The following FAM177B variants were observed in gnomAD, a reference collection of about 807,000 sequenced individuals.
FAM177B encodes the protein protein FAM177B.
FAM177B carries 16 observed loss-of-function variants against 16.1 expected under a neutral mutation model. The ratio of observed to expected loss-of-function variants is 0.99; its 90% confidence interval spans 0.67 to 1.51. The LOEUF (loss-of-function observed/expected upper bound fraction) is 1.51. Ranked by LOEUF, FAM177B falls within the 40% of genes most tolerant of loss-of-function variation. The pLI, the probability that FAM177B is intolerant of heterozygous loss-of-function variation, is 0.00. For missense variants in FAM177B, 178 were observed against 183.7 expected (o/e 0.97, Z 0.18); for synonymous variants, 56 against 59.9 (o/e 0.93, Z 0.30).
Position 222,750,614 on chromosome 1 carries a change from G to A in FAM177B, c.*556G>A, listed in dbSNP as rs758934228. The A allele has an allele frequency of 1.8e-5, 15 of 819,532 alleles. No homozygotes were observed. The highest frequency in any genetic ancestry group is 2.2e-5 in the Non-Finnish European group (15 of 679,034). The allele number at this position is 819,532 out of a possible 1,614,324, so 50.8% of individuals were successfully genotyped here. A position where few individuals can be genotyped will look rare whatever the true frequency, so the allele number is the denominator to read the frequency against. On this transcript the variant is annotated 3_prime_UTR_variant, in exon 6 of 6. Coordinates refer to ENST00000445590, the MANE Select transcript of FAM177B (RefSeq NM_001394345.1). Reference sequence around the variant, plus strand: ...TCATTATCAAGATCTTTAAGAATTAGGTACATCCCTCCAAATTAAAACAAT... The same window carrying A: ...TCATTATCAAGATCTTTAAGAATTAAGTACATCCCTCCAAATTAAAACAAT...
intron 2 of FAM177B, among the ~76,000 whole-genome samples, chr1:222,738,452 C>T (rs1039760734): frequency 6.6e-6 from 1 of 151,222 alleles, no homozygotes; most frequent in African/African-American, 2.4e-5. Context: ...GGCGCAGTGG[C>T]TCATGCCTGT....
rs1572010366 is a variant in FAM177B at position 222,746,480 on chromosome 1, C to T, written c.-15-51C>T. ...CTATCCATTGAAAATAACTAGATAA[C>T]TCTCAGCTCTGGGTAACTTGCCCTA... On this transcript the variant is annotated intron_variant, in intron 2 of 5. Transcript: ENST00000445590. The T allele has an allele frequency of 6.8e-6, 7 of 1,028,232 alleles. No individual in the cohort carries two copies. In the East Asian group the frequency reaches 1.7e-4, roughly 25 times the overall value. The allele number at this position is 1,028,232 out of a possible 1,614,324, so 63.7% of individuals were successfully genotyped here.
rs536295177 is a variant in FAM177B, at chr1:222,739,288, G to GA, written c.-16+1275dup. On this transcript the variant is annotated intron_variant, in intron 2 of 5. Transcript: ENST00000445590. ...AAGTAGAAAGCAAGAAAGCCTCTTGGAAAAAAAATAGACAAGATGTCTTAC... is the reference window on the plus strand; with the variant it reads ...AAGTAGAAAGCAAGAAAGCCTCTTGGAAAAAAAAATAGACAAGATGTCTTAC... Among the ~76,000 whole-genome samples, 4 of 151,778 alleles carry GA rather than the reference G, an allele frequency of 2.6e-5. No individual in the cohort carries two copies. The South Asian group carries it at 8.3e-4, about 32-fold the overall frequency.
chr1:222,744,380 G>A (rs1378792207), intron 2 of FAM177B, among the ~76,000 whole-genome samples: 1 of 151,604 alleles, frequency 6.6e-6, no homozygotes, highest in African/African-American at 2.4e-5. Flanking sequence ...GCTGAGGCAG[G>A]AGAATCGCTT....
chr1:222,741,162 G>A (rs952254411), intron 2 of FAM177B, among the ~76,000 whole-genome samples: 5 of 145,716 alleles, frequency 3.4e-5, no homozygotes, highest in South Asian at 4.4e-4. Flanking sequence ...GGGTTCAAGC[G>A]ATCCTCCCAC....
intron 2 of FAM177B, among the ~76,000 whole-genome samples, chr1:222,741,844 TC>T (rs1199639260): frequency 1.4e-5 from 2 of 146,924 alleles, no homozygotes; most frequent in African/African-American, 5.3e-5. Flanking sequence ...CTTTCTTTTT[TC>T]CTTCCTTCCT....
chr1:222,746,144 CTTTGCACATGT>C (rs1270704813), intron 2 of FAM177B, among the ~76,000 whole-genome samples: 1 of 152,150 alleles, frequency 6.6e-6, no homozygotes, highest in Non-Finnish European at 1.5e-5. Flanking sequence ...CAAATATATA[CTTTGCACATGT>C]TTTCTCCTGT....
chr1:222,741,857 CCTTTCTTCTTTCTTT>C (rs1269926771), intron 2 of FAM177B, among the ~76,000 whole-genome samples: 3 of 140,716 alleles, frequency 2.1e-5, no homozygotes, highest in Non-Finnish European at 4.6e-5. Context: ...TTCCTTCCTT[CCTTTCTTCTTTCTTT>C]CTTTCTTCCT....
intron 2 of FAM177B, among the ~76,000 whole-genome samples, chr1:222,740,139 T>C (rs1658457520): frequency 6.6e-6 from 1 of 152,160 alleles, no homozygotes. Context: ...GGATGACAAA[T>C]GTAACCTTTG....
At chr1:222,746,425 G>C (rs978854951) in intron 2 of FAM177B, 106 bp from the exon 3 acceptor site, 34 of 602,996 alleles carry the variant, frequency 5.6e-5, no homozygotes, top group Non-Finnish European at 9.5e-5. Context: ...GAGGTCACAG[G>C]TGTGATTACC....
At position 222,747,090 on chromosome 1, in the gene FAM177B, T is replaced by G. The variant is rs763526837; in HGVS notation, c.241+9T>G. 1.3e-5 allele frequency: 21 copies of G among 1,585,852 alleles called. No individual in the cohort carries two copies. The highest frequency in any genetic ancestry group is 1.6e-5 in the Non-Finnish European group (19 of 1,154,410). ...AAGCACCTCATTTTCTAGTAAGTAC[T>G]GCTAAGGTTATTTTTTTCTATCCTA... On this transcript the variant is annotated intron_variant, in intron 4 of 5. Coordinates refer to ENST00000445590, the MANE Select transcript of FAM177B (RefSeq NM_001394345.1).
chr1:222,747,278 T>C (rs900066402), intron 4 of FAM177B, 197 bp downstream of exon 4: 11 of 535,874 alleles, frequency 2.1e-5, no homozygotes, highest in African/African-American at 3.8e-5. Context: ...CCAACTCTCA[T>C]CAGGAAATTC....
At chr1:222,749,117 T>C (rs906315580) in intron 4 of FAM177B, 5 of 469,204 alleles carry the variant, frequency 1.1e-5, no homozygotes, top group Non-Finnish European at 2.2e-5. Context: ...TTGGAGCAGA[T>C]GTTTAGCCGG....
In FAM177B at chr1:222,737,330, C is replaced by A; in HGVS notation, c.-134+8C>A. On this transcript the variant is annotated splice_region_variant and intron_variant, in intron 1 of 5. Transcript: ENST00000445590. ...ATGGAGTGTTCAGTGTTGGTAAGTG[C>A]TAAGGAGAAAAAATGAAACAGGAGG... 6.6e-6 allele frequency: 1 copy of A among 152,500 alleles called. No individual in the cohort carries two copies. The highest frequency in any genetic ancestry group is 1.5e-5 in the Non-Finnish European group (1 of 68,250). The allele number at this position is 152,500 out of a possible 1,614,324, so 9.4% of individuals were successfully genotyped here.
At chr1:222,744,489 A>AT (rs1658700876) in intron 2 of FAM177B, among the ~76,000 whole-genome samples, 2 of 149,916 alleles carry the variant, frequency 1.3e-5, no homozygotes, top group African/African-American at 4.9e-5. Context: ...AAAAAAAAAA[A>AT]GGCAAAAATA....
chr1:222,749,691 T>C, intron 5 of FAM177B, 129 bp downstream of exon 5: 1 of 733,180 alleles, frequency 1.4e-6, no homozygotes, highest in Non-Finnish European at 2.3e-6. Context: ...GCTCCCATAG[T>C]CAGACTGACT....
chr1:222,741,596 C>G (rs1487694707), intron 2 of FAM177B, among the ~76,000 whole-genome samples: 1 of 151,396 alleles, frequency 6.6e-6, no homozygotes, highest in Non-Finnish European at 1.5e-5. Context: ...GGCACAATCG[C>G]TGCTCATTGC....
At chr1:222,746,889 C>A in intron 3 of FAM177B, 126 bp from the exon 4 acceptor site, 2 of 906,356 alleles carry the variant, frequency 2.2e-6, no homozygotes, top group South Asian at 1.5e-5. Context: ...TCATCTTGGT[C>A]TCTTCATCTG....
Position 222,747,038 on chromosome 1 carries a change from C to T in FAM177B, c.198C>T (p.Tyr66=), listed in dbSNP as rs1335422264. The part of the protein sequence containing the change: ...LDPSKLSWGP[Y]LRFWAGRIAS... ...AGTCTAAACTTTCCTGGGGGCCCTA[C>T]CTACGATTTTGGGCAGGACGAATAG... Residue 66 remains tyrosine (Y), a synonymous_variant, in exon 4 of 6, where the codon TAC becomes TAT. Transcript: ENST00000445590. 2 of 1,611,648 alleles carry T rather than the reference C, an allele frequency of 1.2e-6. No homozygotes were observed. Among genetic ancestry groups the T allele is most frequent in the Admixed American group, 1.7e-5 (1 of 59,982 alleles).
Sources: allele counts gnomAD v4.1 joint callset (sites outside exome capture counted in the v4.1 genomes callset), GRCh38; gene constraint gnomAD v4.1.1; transcripts MANE v1.5; gene names NCBI Gene and HGNC (gene_info 2026-07-23, HGNC 2026-07-21).